The following PDGFB variants were observed in gnomAD, a reference collection of about 807,000 sequenced individuals.
The protein encoded by PDGFB is platelet derived growth factor subunit B, also known as platelet-derived growth factor subunit B.
PDGFB carries 6 observed loss-of-function variants against 29.0 expected under a neutral mutation model. That is an observed-to-expected ratio of 0.21 (90% CI 0.11 to 0.41). PDGFB has a LOEUF of 0.41. Ranked by LOEUF, PDGFB falls within the 10% of genes least tolerant of loss-of-function variation. The probability of loss-of-function intolerance (pLI) is 1.00; values close to 1 mark genes in which losing one functional copy is unlikely to be tolerated. For missense variants in PDGFB, 299 were observed against 341.8 expected, an observed-to-expected ratio of 0.87 and a Z score of 0.99; for synonymous variants, 144 against 140.8, an observed-to-expected ratio of 1.02 and a Z score of -0.16.
Position 39,235,945 on chromosome 22 carries a change from C to G in PDGFB, c.64-71G>C, listed in dbSNP as rs564510356. 340 of 1,014,952 alleles carry G rather than the reference C, an allele frequency of 3.3e-4. 2 individuals carry two copies. The highest frequency in any genetic ancestry group is 1.8e-3 in the South Asian group (131 of 74,144). The allele number at this position is 1,014,952 out of a possible 1,614,324, so 62.9% of individuals were successfully genotyped here. ...TTTCCAGCATGGCTGTCTCCCCCAC[C>G]ACACGCTTTCTCGCTTTCTCCTGTG... On this transcript the variant is annotated intron_variant, in intron 1 of 6. Transcript: ENST00000331163.
intron 5 of PDGFB, among the ~76,000 whole-genome samples, chr22:39,229,193 C>T (rs186832475): frequency 6.6e-6 from 1 of 152,108 alleles, no homozygotes; most frequent in African/African-American, 2.4e-5. Context: ...TCGTATTAAT[C>T]ATTTTTTTTT....
At chr22:39,227,474 A>T (rs1601595437) in intron 5 of PDGFB, among the ~76,000 whole-genome samples, 1 of 152,078 alleles carries the variant, frequency 6.6e-6, no homozygotes, top group Non-Finnish European at 1.5e-5. Flanking sequence ...ATGGCCAGAA[A>T]CCCCCCAGCT....
chr22:39,243,220 TTCTCTCCCTCTC>T lies in PDGFB; in HGVS notation c.63+669_63+680del, dbSNP rs1569140946. ...CCGAAACCTACCTGCGTCTCTATCTTTCTCTCCCTCTCTCTCTCCGTCTCTCTCTCCGTCTCT... is the reference window on the plus strand; with the variant it reads ...CCGAAACCTACCTGCGTCTCTATCTTTCTCTCCGTCTCTCTCTCCGTCTCT... On this transcript the variant is annotated intron_variant, in intron 1 of 6. Transcript: ENST00000331163. The surrounding 1 kb of genome is among the most constrained non-coding windows in gnomAD (Gnocchi z 6.4). Among the ~76,000 whole-genome samples, 2 of 147,212 alleles carry T rather than the reference TTCTCTCCCTCTC, an allele frequency of 1.4e-5. No homozygotes were observed. The highest frequency in any genetic ancestry group is 6.7e-5 in the Admixed American group (1 of 14,996).
chr22:39,240,688 C>A (rs1601602713), intron 1 of PDGFB, among the ~76,000 whole-genome samples: 1 of 152,054 alleles, frequency 6.6e-6, no homozygotes, highest in South Asian at 2.1e-4. Flanking sequence ...GGGCTCTGGG[C>A]ACTGTTCTAA....
At position 39,242,083 on chromosome 22, in the gene PDGFB, T is replaced by C. The variant is rs758996385; in HGVS notation, c.63+1818A>G. 2.0e-4 allele frequency: 45 copies of C among 229,532 alleles called. No individual in the cohort carries two copies. Among genetic ancestry groups the C allele is most frequent in the Non-Finnish European group, 3.4e-4 (39 of 115,714 alleles). The allele number at this position is 229,532 out of a possible 1,614,324, so 14.2% of individuals were successfully genotyped here. A position where few individuals can be genotyped will look rare whatever the true frequency, so the allele number is the denominator to read the frequency against. ...GTGCACGGGGGCCCGTGCGTGCCTG[T>C]GTACGTGCGTGGGTGTGCGCGCACG... On this transcript the variant is annotated intron_variant, in intron 1 of 6. Coordinates refer to ENST00000331163, the MANE Select transcript of PDGFB (RefSeq NM_002608.4). The surrounding 1 kb of genome is among the most constrained non-coding windows in gnomAD (Gnocchi z 5.7).
intron 5 of PDGFB, among the ~76,000 whole-genome samples, chr22:39,226,231 C>A (rs1301224304): frequency 6.6e-6 from 1 of 152,230 alleles, no homozygotes; most frequent in Non-Finnish European, 1.5e-5. Flanking sequence ...TATTTCCCTG[C>A]CCCTTGAATC....
intron 5 of PDGFB, among the ~76,000 whole-genome samples, chr22:39,229,336 G>C (rs991244925): frequency 6.6e-6 from 1 of 152,078 alleles, no homozygotes; most frequent in South Asian, 2.1e-4. Flanking sequence ...ACAGGCGTGT[G>C]CCGCTATGCC....
chr22:39,224,816 G>A lies in PDGFB; in HGVS notation c.*526C>T, dbSNP rs1375806838. On this transcript the variant is annotated 3_prime_UTR_variant, in exon 7 of 7. Transcript: ENST00000331163. ...GACTGGTGTTTGGGCACCGTGGGAGGGGTTTTCTCCAGTCTGTGTGCCCGT... is the reference window on the plus strand; with the variant it reads ...GACTGGTGTTTGGGCACCGTGGGAGAGGTTTTCTCCAGTCTGTGTGCCCGT... The A allele has an allele frequency of 3.9e-5, 6 of 152,418 alleles. No homozygotes were observed. The East Asian group carries it at 1.1e-3, about 29-fold the overall frequency. 9.4% of individuals were successfully genotyped at this position (152,418 alleles called of 1,614,324 possible).
Position 39,231,602 on chromosome 22 carries a change from G to T in PDGFB, c.456+20C>A. On this transcript the variant is annotated intron_variant, in intron 4 of 6. Transcript: ENST00000331163. The surrounding 1 kb of genome is among the most constrained non-coding windows in gnomAD (Gnocchi z 4.3). Reference sequence around the variant, plus strand: ...ACCCACCACCGGGACCAGCCTCGGGGGGCCGCGGAGCCTACGCACCTGGAC... The same window carrying T: ...ACCCACCACCGGGACCAGCCTCGGGTGGCCGCGGAGCCTACGCACCTGGAC... 1 of 1,522,718 alleles carries T rather than the reference G, an allele frequency of 6.6e-7. No homozygotes were observed. The highest frequency in any genetic ancestry group is 1.4e-5 in the African/African-American group (1 of 72,952). 94.3% of individuals were successfully genotyped at this position (1,522,718 alleles called of 1,614,324 possible).
At chr22:39,225,448 G>C (rs1932141402) in intron 6 of PDGFB, 135 bp from the exon 7 acceptor site, 1 of 350,088 alleles carries the variant, frequency 2.9e-6, no homozygotes, top group South Asian at 5.5e-5. Context: ...GCTCAGGGCT[G>C]GGGGCATTGA....
chr22:39,227,699 C>T (rs1269678157), intron 5 of PDGFB, among the ~76,000 whole-genome samples: 2 of 152,300 alleles, frequency 1.3e-5, no homozygotes, highest in African/African-American at 4.8e-5. Flanking sequence ...AGCTCTTATA[C>T]ACTTCTCTCC....
At chr22:39,228,893 A>AAAAAAATATATATATAT (rs1184799325) in intron 5 of PDGFB, among the ~76,000 whole-genome samples, 75 of 132,610 alleles carry the variant, frequency 5.7e-4, no homozygotes, top group Non-Finnish European at 1.1e-3. Context: ...CCTCAAAAAA[A>AAAAAAATATATATATAT]ATATATATAT....
At chr22:39,241,915 A>C (rs1481330551) in intron 1 of PDGFB, among the ~76,000 whole-genome samples, 1 of 151,982 alleles carries the variant, frequency 6.6e-6, no homozygotes, top group Non-Finnish European at 1.5e-5. Flanking sequence ...AGGCAAAAAA[A>C]AAAGTAGGTG....
chr22:39,232,466 T>C (rs949258916), intron 3 of PDGFB, among the ~76,000 whole-genome samples: 6 of 152,248 alleles, frequency 3.9e-5, no homozygotes, highest in South Asian at 2.1e-4. Context: ...CATTCATAGA[T>C]TGGGGGTGGA....
intron 1 of PDGFB, among the ~76,000 whole-genome samples, chr22:39,241,984 C>G (rs1790121970): frequency 6.6e-6 from 1 of 152,116 alleles, no homozygotes. Context: ...GAAATGGGGC[C>G]GCTACAGAGG....
rs149693918 is a variant in PDGFB, at chr22:39,230,106, C to T, written c.579G>A (p.Pro193=). 2.3e-5 allele frequency: 37 copies of T among 1,613,660 alleles called. No individual in the cohort carries two copies. The Admixed American group carries it at 2.8e-4, about 12-fold the overall frequency. ...VAAARPVTRS[P]GGSQEQRAKT... ...TACCTCGCTGCTCCTGGGAACCCCC[C>T]GGGCTTCGGGTCACAGGCCGTGCAG... The change falls in exon 5 of 7, where the codon CCG becomes CCA. Residue 193 remains proline, a synonymous_variant. Transcript: ENST00000331163.
chr22:39,233,655 C>T, intron 2 of PDGFB, 131 bp from the exon 3 acceptor site: 2 of 572,200 alleles, frequency 3.5e-6, no homozygotes, highest in Non-Finnish European at 6.0e-6. Flanking sequence ...TTCCAGCCCC[C>T]ATAAATGCAC....
intron 5 of PDGFB, among the ~76,000 whole-genome samples, chr22:39,229,472 C>A (rs1020192422): frequency 1.3e-4 from 20 of 152,338 alleles, no homozygotes; most frequent in Middle Eastern, 3.4e-3. Flanking sequence ...TGGCTTCTCC[C>A]CACTGGTCCT....
At position 39,241,067 on chromosome 22, in the gene PDGFB, A is replaced by G. The variant is rs562922969; in HGVS notation, c.63+2834T>C. The G allele has an allele frequency of 2.0e-4, 131 of 648,284 alleles. No homozygotes were observed. In the African/African-American group the frequency reaches 2.2e-3, roughly 11 times the overall value. The allele number at this position is 648,284 out of a possible 1,614,324, so 40.2% of individuals were successfully genotyped here. On this transcript the variant is annotated intron_variant, in intron 1 of 6. Coordinates refer to ENST00000331163, the MANE Select transcript of PDGFB (RefSeq NM_002608.4). Reference sequence around the variant, plus strand: ...TCTCCTGCCCCCTAGGGCCATTAGCAAAGCCAGAGGAAGCTGGATGGCAAA... The same window carrying G: ...TCTCCTGCCCCCTAGGGCCATTAGCGAAGCCAGAGGAAGCTGGATGGCAAA...
Sources: allele counts gnomAD v4.1 joint callset (sites outside exome capture counted in the v4.1 genomes callset), GRCh38; gene constraint gnomAD v4.1.1; non-coding constraint Gnocchi (gnomAD v3.1); transcripts MANE v1.5; gene names NCBI Gene and HGNC (gene_info 2026-07-23, HGNC 2026-07-21).